The following AKT3 variants were observed in gnomAD, a reference collection of about 807,000 sequenced individuals.
The protein encoded by AKT3 is AKT serine/threonine kinase 3.
Under a neutral mutation model 65.3 loss-of-function variants are expected in AKT3, and 15 were observed. The observed-to-expected ratio is 0.23, with a 90% CI of 0.15 to 0.35. AKT3 has a LOEUF of 0.35. Ranked by LOEUF, AKT3 falls within the 10% of genes least tolerant of loss-of-function variation. AKT3 has a pLI of 1.00. For missense variants in AKT3, 243 were observed against 576.5 expected, an observed-to-expected ratio of 0.42 and a Z score of 5.92; for synonymous variants, 206 against 183.8, an observed-to-expected ratio of 1.12 and a Z score of -0.98.
Position 243,664,931 on chromosome 1 carries a change from A to T in AKT3, c.173-48T>A, listed in dbSNP as rs751797133. The T allele has an allele frequency of 7.0e-6, 8 of 1,148,776 alleles. No individual in the cohort carries two copies. In the Admixed American group the frequency reaches 1.9e-4, roughly 27 times the overall value. 71.2% of individuals were successfully genotyped at this position (1,148,776 alleles called of 1,614,324 possible). A position where few individuals can be genotyped will look rare whatever the true frequency, so the allele number is the denominator to read the frequency against. The stretch of plus-strand genomic sequence containing the variant: ...CTTTAAATATGGATATATTTAAAAC[A>T]AGAAGTAAATAATTGAGAACTACAG... On this transcript the variant is annotated intron_variant, in intron 3 of 13. Transcript: ENST00000673466.
In AKT3 at chr1:243,664,878, G is replaced by T; in HGVS notation, c.178C>A (p.Gln60Lys). The change falls in exon 4 of 14, where the codon CAG (glutamine) becomes AAG (lysine). Residue 60 changes from glutamine to lysine, a missense_variant. Gln to Lys is a moderately conservative substitution (Grantham distance 53). Transcript: ENST00000673466. ...TTTGGTCGTTCTGTTTTCATTAACT[G>T]GCATTCTAAGAATAAAATAAAATGT... is the stretch of plus-strand genomic sequence containing the variant. The part of the protein sequence containing the change: ...PLNNFSVAKC[Q>K]LMKTERPKPN... The T allele has an allele frequency of 1.3e-6, 2 of 1,517,448 alleles. No homozygotes were observed. The highest frequency in any genetic ancestry group is 1.4e-5 in the African/African-American group (1 of 71,072). The allele number at this position is 1,517,448 out of a possible 1,614,324, so 94.0% of individuals were successfully genotyped here.
chr1:243,589,032 G>T (rs1459509171), intron 8 of AKT3, among the ~76,000 whole-genome samples: 2 of 152,054 alleles, frequency 1.3e-5, no homozygotes, highest in Non-Finnish European at 2.9e-5. Flanking sequence ...ACTCGGCTGG[G>T]CACAGTGGCT....
chr1:243,609,334 CTGTG>C (rs72249798), intron 8 of AKT3, among the ~76,000 whole-genome samples: 27,521 of 147,566 alleles, frequency 0.19, 2,505 homozygotes, highest in East Asian at 0.25. Context: ...TTTTCATTTT[CTGTG>C]TGTGTGTGTG....
intron 2 of AKT3, among the ~76,000 whole-genome samples, chr1:243,769,583 A>G (rs1363418760): frequency 2.0e-5 from 3 of 152,034 alleles, no homozygotes; most frequent in Non-Finnish European, 1.5e-5. Flanking sequence ...TGGCCATTTG[A>G]TTATCTTCTT....
intron 1 of AKT3, among the ~76,000 whole-genome samples, chr1:243,849,544 C>T (rs1272050173): frequency 2.0e-5 from 3 of 151,910 alleles, no homozygotes; most frequent in African/African-American, 7.2e-5. Flanking sequence ...CAGACGGCTC[C>T]CTCCCCCCAA....
chr1:243,776,580 C>T (rs1289785814), intron 2 of AKT3, among the ~76,000 whole-genome samples: 1 of 152,180 alleles, frequency 6.6e-6, no homozygotes, highest in East Asian at 1.9e-4. Flanking sequence ...GCCTCCAGAA[C>T]TGTGAGAAAA....
rs537968149 is a variant in AKT3 at position 243,586,024 on chromosome 1, T to C, written c.697-12976A>G. Among the ~76,000 whole-genome samples, 7 of 152,180 alleles carry C rather than the reference T, an allele frequency of 4.6e-5. No individual in the cohort carries two copies. In the South Asian group the frequency reaches 1.0e-3, roughly 23 times the overall value. ...CAAAGTGTATAAGAAAGTTAAACAA[T>C]TGAACAAGCTAAACACAAGTAACCC... On this transcript the variant is annotated intron_variant, in intron 8 of 13. Transcript: ENST00000673466.
intron 2 of AKT3, 46 bp downstream of exon 2, chr1:243,843,079 T>C: frequency 1.2e-6 from 2 of 1,603,922 alleles, no homozygotes; most frequent in Non-Finnish European, 1.7e-6. Context: ...CACTCACTGC[T>C]AGCACTCTTA....
At chr1:243,832,609 G>A (rs1694608265) in intron 2 of AKT3, among the ~76,000 whole-genome samples, 1 of 152,182 alleles carries the variant, frequency 6.6e-6, no homozygotes, top group Admixed American at 6.5e-5. Flanking sequence ...GTAAAGAAGG[G>A]AGCTACAAAT....
intron 6 of AKT3, among the ~76,000 whole-genome samples, chr1:243,620,905 G>T (rs12037013): frequency 1.3e-5 from 2 of 151,898 alleles, no homozygotes; most frequent in South Asian, 2.1e-4. Flanking sequence ...TCTCTCATAC[G>T]CGGTATTGGG....
At chr1:243,521,977 C>G (rs141566458) in intron 12 of AKT3, among the ~76,000 whole-genome samples, 1 of 152,108 alleles carries the variant, frequency 6.6e-6, no homozygotes, top group Non-Finnish European at 1.5e-5. Flanking sequence ...TCCATAGATA[C>G]GATACATTAT....
At chr1:243,489,097 A>C in intron 13 of AKT3, 2 of 1,613,250 alleles carry the variant, frequency 1.2e-6, no homozygotes, top group Non-Finnish European at 1.7e-6. Context: ...CTTCTCCTGG[A>C]GAGGCAGAGC....
chr1:243,679,738 C>T (rs972361119), intron 3 of AKT3, among the ~76,000 whole-genome samples: 1 of 152,098 alleles, frequency 6.6e-6, no homozygotes, highest in Non-Finnish European at 1.5e-5. Context: ...TCAGGCTTGT[C>T]AGTCTAAGCC....
chr1:243,563,174 A>G (rs745770863), intron 10 of AKT3, among the ~76,000 whole-genome samples: 7 of 152,224 alleles, frequency 4.6e-5, no homozygotes, highest in Non-Finnish European at 8.8e-5. Context: ...CAGCAGATAC[A>G]CAATAAATAT....
intron 12 of AKT3, among the ~76,000 whole-genome samples, chr1:243,530,598 T>G (rs190957548): frequency 2.0e-5 from 3 of 152,070 alleles, no homozygotes; most frequent in Admixed American, 1.3e-4. Flanking sequence ...CAATGTAACA[T>G]CACAACTAGA....
chr1:243,595,040 C>T (rs889432119), intron 8 of AKT3, among the ~76,000 whole-genome samples: 1 of 152,150 alleles, frequency 6.6e-6, no homozygotes, highest in East Asian at 1.9e-4. Context: ...GAAGAAAATA[C>T]AGTCATGCAC....
chr1:243,716,134 TAAG>T (rs1686499789), intron 2 of AKT3, among the ~76,000 whole-genome samples: 4 of 152,180 alleles, frequency 2.6e-5, no homozygotes, highest in South Asian at 2.1e-4. Context: ...ACATGATTTT[TAAG>T]AAGAATTCTT....
chr1:243,583,172 A>G (rs868578456), intron 8 of AKT3, among the ~76,000 whole-genome samples: 48 of 107,586 alleles, frequency 4.5e-4, no homozygotes, highest in African/African-American at 1.4e-3. Flanking sequence ...ATGTGTGTGT[A>G]TATATATATA....
At chr1:243,729,811 G>T (rs1558760309) in intron 2 of AKT3, among the ~76,000 whole-genome samples, 2 of 152,152 alleles carry the variant, frequency 1.3e-5, no homozygotes, top group South Asian at 2.1e-4. Flanking sequence ...AGATTACAGT[G>T]TTCTTCTTTA....
Sources: allele counts gnomAD v4.1 joint callset (sites outside exome capture counted in the v4.1 genomes callset), GRCh38; gene constraint gnomAD v4.1.1; transcripts MANE v1.5; gene names NCBI Gene and HGNC (gene_info 2026-07-23, HGNC 2026-07-21).